Variants in SPINK5 observed in about 807,000 individuals in gnomAD.
SPINK5 encodes the protein serine protease inhibitor Kazal-type 5.
In SPINK5, 125 loss-of-function variants were observed where a neutral mutation model predicts 151.8. The observed-to-expected ratio is 0.82, with a 90% CI of 0.71 to 0.96. The LOEUF (loss-of-function observed/expected upper bound fraction) is 0.96, where lower values mean the gene tolerates loss of function less well. Ranked by LOEUF, SPINK5 falls within the 40% of genes least tolerant of loss-of-function variation. SPINK5 has a pLI of 0.00. For missense variants in SPINK5, 1,194 were observed against 1,291.9 expected (o/e 0.92, Z 1.16); for synonymous variants, 374 against 395.3 (o/e 0.95, Z 0.64).
chr5:148,108,464 T>A (rs1485096967), intron 17 of SPINK5, among the ~76,000 whole-genome samples: 1 of 152,136 alleles, frequency 6.6e-6, no homozygotes, highest in African/African-American at 2.4e-5. Flanking sequence ...GTAGCTTTAT[T>A]CGGAATGTTA....
Position 148,120,080 on chromosome 5 carries a change from C to G in SPINK5, c.2385C>G (p.Val795=), listed in dbSNP as rs1754211008. The change falls in exon 25 of 33, where the codon GTC becomes GTG. Residue 795 remains valine, a synonymous_variant. Transcript: ENST00000256084. ...KLICTRESDP[V]RGPDGKTHGN... Reference sequence around the variant, plus strand: ...TCTGCACTCGAGAAAGTGACCCTGTCCGGGGTCCAGATGGCAAGACACATG... The same window carrying G: ...TCTGCACTCGAGAAAGTGACCCTGTGCGGGGTCCAGATGGCAAGACACATG... The G allele has an allele frequency of 6.2e-7, 1 of 1,613,990 alleles. No individual in the cohort carries two copies. The highest frequency in any genetic ancestry group is 8.5e-7 in the Non-Finnish European group (1 of 1,179,912).
chr5:148,123,013 G>C (rs759072695), intron 26 of SPINK5, among the ~76,000 whole-genome samples: 14 of 151,732 alleles, frequency 9.2e-5, no homozygotes, highest in Non-Finnish European at 1.8e-4. Flanking sequence ...TGCACTCATA[G>C]GGAGACAGGT....
Position 148,111,797 on chromosome 5 carries a change from G to A in SPINK5, c.1722G>A (p.Val574=), listed in dbSNP as rs865916529. 6.2e-7 allele frequency: 1 copy of A among 1,614,048 alleles called. No homozygotes were observed. The highest frequency in any genetic ancestry group is 8.5e-7 in the Non-Finnish European group (1 of 1,179,930). The change falls in exon 19 of 33, where the codon GTG becomes GTA. Residue 574 remains valine (V), a synonymous_variant. Coordinates refer to ENST00000256084, the MANE Select transcript of SPINK5 (RefSeq NM_006846.4). The part of the protein sequence containing the change: ...QELCSEYRHY[V]RNGRLPCTRE... ...TGTGCAGTGAATATCGTCATTATGT[G>A]AGGAATGGACGACTCCCCTGTACCA...
At chr5:148,112,106 C>T (rs535278399) in intron 19 of SPINK5, among the ~76,000 whole-genome samples, 2 of 152,296 alleles carry the variant, frequency 1.3e-5, no homozygotes, top group South Asian at 2.1e-4. Flanking sequence ...GAATCACCAT[C>T]AAGAAAGGAC....
At chr5:148,120,163 G>A (rs536978545) in intron 25 of SPINK5, 27 bp downstream of exon 25, 1 of 1,614,006 alleles carries the variant, frequency 6.2e-7, no homozygotes, top group Non-Finnish European at 8.5e-7. Flanking sequence ...ATGAGCTTTT[G>A]ACTGTGAGTC....
Position 148,133,872 on chromosome 5 carries a change from C to T in SPINK5, c.3171C>T (p.Ala1057=). The change falls in exon 32 of 33, where the codon GCC becomes GCT. Residue 1057 remains alanine (A), a synonymous_variant. Transcript: ENST00000256084. ...EESSTPGTTA[A]SMPPSDE Reference sequence around the variant, plus strand: ...GCAGCACCCCAGGAACCACCGCAGCCAGCATGCCCCCGTCTGTAAGTACAT... The same window carrying T: ...GCAGCACCCCAGGAACCACCGCAGCTAGCATGCCCCCGTCTGTAAGTACAT... 3 of 1,613,992 alleles carry T rather than the reference C, an allele frequency of 1.9e-6. No individual in the cohort carries two copies. Among genetic ancestry groups the T allele is most frequent in the Non-Finnish European group, 8.5e-7 (1 of 1,179,936 alleles).
chr5:148,112,833 T>TA, intron 19 of SPINK5, 35 bp from the exon 20 acceptor site: 1 of 1,613,322 alleles, frequency 6.2e-7, no homozygotes, highest in South Asian at 1.1e-5. Flanking sequence ...TATTGGGTGC[T>TA]AGGAATGATT....
chr5:148,084,864 T>C (rs1753111878), intron 4 of SPINK5, among the ~76,000 whole-genome samples: 2 of 151,910 alleles, frequency 1.3e-5, no homozygotes, highest in Admixed American at 6.6e-5. Flanking sequence ...CTGGTCACTA[T>C]TGTATTTTTC....
chr5:148,087,662 T>C (rs1231378479), intron 5 of SPINK5, among the ~76,000 whole-genome samples: 1 of 151,826 alleles, frequency 6.6e-6, no homozygotes, highest in Non-Finnish European at 1.5e-5. Context: ...ATTTAATTCT[T>C]ACTGTGTCTT....
chr5:148,123,722 C>T (rs543946999), intron 26 of SPINK5, 111 bp from the exon 27 acceptor site: 8 of 1,475,186 alleles, frequency 5.4e-6, no homozygotes, highest in Non-Finnish European at 7.5e-6. Context: ...TGAAATTTCA[C>T]TTCTCTGTTT....
chr5:148,087,743 T>C (rs1753199912), intron 5 of SPINK5, among the ~76,000 whole-genome samples: 2 of 151,834 alleles, frequency 1.3e-5, no homozygotes, highest in Admixed American at 6.6e-5. Context: ...TAATTTCTGG[T>C]ATATTTCTTT....
At chr5:148,112,783 C>T in intron 19 of SPINK5, 85 bp from the exon 20 acceptor site, 2 of 1,586,318 alleles carry the variant, frequency 1.3e-6, no homozygotes, top group Non-Finnish European at 1.7e-6. Flanking sequence ...AAGTAATGGA[C>T]CATTTTTATG....
chr5:148,121,380 A>G (rs1042320110), intron 26 of SPINK5, among the ~76,000 whole-genome samples: 1 of 151,848 alleles, frequency 6.6e-6, no homozygotes, highest in Non-Finnish European at 1.5e-5. Flanking sequence ...GATTTTTCCT[A>G]TTAGTAGGGC....
At position 148,116,403 on chromosome 5, in the gene SPINK5, A is replaced by G; in HGVS notation, c.2049A>G (p.Glu683=). The change falls in exon 22 of 33, where the codon GAA becomes GAG. Residue 683 remains glutamate, a synonymous_variant. Transcript: ENST00000256084. ...QKENEERKRK[E]EEDQRNAAGH... ...AAAATGAGGAAAGAAAGAGGAAAGA[A>G]GAGGAAGATCAGAGAAATGCTGCAG... The G allele has an allele frequency of 6.2e-7, 1 of 1,614,178 alleles. No homozygotes were observed. The highest frequency in any genetic ancestry group is 8.5e-7 in the Non-Finnish European group (1 of 1,180,012).
At chr5:148,108,570 G>T (rs745497652) in intron 17 of SPINK5, among the ~76,000 whole-genome samples, 183 bp from the exon 18 acceptor site, 6 of 152,222 alleles carry the variant, frequency 3.9e-5, no homozygotes, top group Non-Finnish European at 8.8e-5. Context: ...TTTAGAGGGG[G>T]AATGTAAACA....
At chr5:148,096,677 T>TAGG (rs1753469494) in intron 10 of SPINK5, among the ~76,000 whole-genome samples, 1 of 151,868 alleles carries the variant, frequency 6.6e-6, no homozygotes, top group African/African-American at 2.4e-5. Flanking sequence ...AGCCACTCCA[T>TAGG]CAGGCCACCC....
At chr5:148,106,315 T>C (rs1753781255) in intron 16 of SPINK5, among the ~76,000 whole-genome samples, 1 of 151,092 alleles carries the variant, frequency 6.6e-6, no homozygotes, top group African/African-American at 2.5e-5. Context: ...ATATGTCTTT[T>C]TAAATTTATT....
rs774539560 is a variant in SPINK5 at position 148,116,440 on chromosome 5, A to T, written c.2086A>T (p.Ser696Cys). The T allele has an allele frequency of 1.2e-6, 2 of 1,614,170 alleles. No individual in the cohort carries two copies. Among genetic ancestry groups the T allele is most frequent in the South Asian group, 2.2e-5 (2 of 91,086 alleles). Residue 696 changes from serine to cysteine, a missense_variant, in exon 22 of 33, where the codon AGT (serine) becomes TGT (cysteine). Physicochemically the swap from Ser to Cys is moderately radical, Grantham distance 112. Coordinates refer to ENST00000256084, the MANE Select transcript of SPINK5 (RefSeq NM_006846.4). ...DQRNAAGHGS[S>C]GGGGGNTQDE... is the part of the protein sequence containing the mutation. Reference sequence around the variant, plus strand: ...GAGAAATGCTGCAGGACATGGTTCCAGTGGTGGTGGAGGAGGAAACACTCA... The same window carrying T: ...GAGAAATGCTGCAGGACATGGTTCCTGTGGTGGTGGAGGAGGAAACACTCA...
At position 148,070,339 on chromosome 5, in the gene SPINK5, T is replaced by C; in HGVS notation, c.98T>C (p.Phe33Ser). The C allele has an allele frequency of 6.2e-7, 1 of 1,612,514 alleles. No individual in the cohort carries two copies. The highest frequency in any genetic ancestry group is 8.5e-7 in the Non-Finnish European group (1 of 1,179,074). Reference sequence around the variant, plus strand: ...TTATCTTAGGAAATGTGCCATGAATTTCAGGCATTTATGAAAAATGGAAAA... The same window carrying C: ...TTATCTTAGGAAATGTGCCATGAATCTCAGGCATTTATGAAAAATGGAAAA... ...KNEDQEMCHEFQAFMKNGKLF... is the reference protein window; with the variant it reads ...KNEDQEMCHESQAFMKNGKLF... Residue 33 changes from phenylalanine (F) to serine (S), a missense_variant, in exon 3 of 33, where the codon TTT becomes TCT. Coordinates refer to ENST00000256084, the MANE Select transcript of SPINK5 (RefSeq NM_006846.4).
Sources: gnomAD v4.1 joint callset for allele counts (sites outside exome capture counted in the v4.1 genomes callset) on GRCh38, gnomAD v4.1.1 for gene constraint, MANE v1.5 for transcripts, NCBI Gene and HGNC (gene_info 2026-07-23, HGNC 2026-07-21) for gene names.